RTL10: variants seen among roughly 807,000 people sequenced by gnomAD.
RTL10 encodes protein Bop.
For missense variants in RTL10, 477 were observed against 470.7 expected (o/e 1.01, Z -0.12); for synonymous variants, 199 against 188.4 (o/e 1.06, Z -0.46).
rs1938016140 is a variant in RTL10, at chr22:19,848,387, AG to A, written c.*2779del. 1.0e-6 allele frequency: 1 copy of A among 985,428 alleles called. No individual in the cohort carries two copies. The highest frequency in any genetic ancestry group is 6.1e-5 in the Admixed American group (1 of 16,274). 61.0% of individuals were successfully genotyped at this position (985,428 alleles called of 1,614,324 possible). ...GGGGGCCAGAAGAGAAAAACAACCCAGGGGGAATGCCTCCTTCCCCCAGCAG... is the reference window on the plus strand; with the variant it reads ...GGGGGCCAGAAGAGAAAAACAACCCAGGGGAATGCCTCCTTCCCCCAGCAG... On this transcript the variant is annotated 3_prime_UTR_variant, in exon 3 of 3. Transcript: ENST00000328554.
rs1302703834 is a variant in RTL10 at position 19,849,373 on chromosome 22, T to G, written c.*1794A>C. ...TAAATAAGGTTTTTGTTTTTTGTTGTTTTTTTTTTTTTGGGATGGAGTTTC... is the reference window on the plus strand; with the variant it reads ...TAAATAAGGTTTTTGTTTTTTGTTGGTTTTTTTTTTTTGGGATGGAGTTTC... On this transcript the variant is annotated 3_prime_UTR_variant, in exon 3 of 3. Transcript: ENST00000328554. 4.6e-5 allele frequency: 25 copies of G among 545,904 alleles called. No homozygotes were observed. Among genetic ancestry groups the G allele is most frequent in the East Asian group, 1.6e-4 (1 of 6,198 alleles). The allele number at this position is 545,904 out of a possible 1,614,324, so 33.8% of individuals were successfully genotyped here.
At position 19,854,493 on chromosome 22, in the gene RTL10, A is replaced by G. The variant is rs1938188592; in HGVS notation, c.-276T>C. The G allele has an allele frequency of 1.3e-5, 2 of 152,694 alleles. No individual in the cohort carries two copies. Among genetic ancestry groups the G allele is most frequent in the Non-Finnish European group, 1.5e-5 (1 of 68,066 alleles). The allele number at this position is 152,694 out of a possible 1,614,324, so 9.5% of individuals were successfully genotyped here. A position where few individuals can be genotyped will look rare whatever the true frequency, so the allele number is the denominator to read the frequency against. ...AGAGGGTCCTGGGATCCGTAGCCAC[A>G]GACCGTGGGACGGGCCTCCCTCTGA... is the stretch of plus-strand genomic sequence containing the variant. On this transcript the variant is annotated 5_prime_UTR_variant, in exon 2 of 3. Transcript: ENST00000328554.
chr22:19,846,863 GTTGT>G lies in RTL10; in HGVS notation c.*4300_*4303del, dbSNP rs746957515. Reference sequence around the variant, plus strand: ...GCTCCAGAATCATGAGGAAATGTCTGTTGTTTAAGTCCCCTAGCCTGCGGTCCTT... The same window carrying G: ...GCTCCAGAATCATGAGGAAATGTCTGTTAAGTCCCCTAGCCTGCGGTCCTT... On this transcript the variant is annotated 3_prime_UTR_variant, in exon 3 of 3. Transcript: ENST00000328554. The G allele has an allele frequency of 1.4e-5, 13 of 918,880 alleles. No homozygotes were observed. In the South Asian group the frequency reaches 3.0e-4, roughly 21 times the overall value. 56.9% of individuals were successfully genotyped at this position (918,880 alleles called of 1,614,324 possible). A position where few individuals can be genotyped will look rare whatever the true frequency, so the allele number is the denominator to read the frequency against.
chr22:19,846,344 C>A lies in RTL10; in HGVS notation c.*4823G>T. The stretch of plus-strand genomic sequence containing the variant: ...AATACAGGATAATGCCTTTGTACCC[C>A]CCAGGTAGGGAAAGATTTCTTAAGT... On this transcript the variant is annotated 3_prime_UTR_variant, in exon 3 of 3. Transcript: ENST00000328554. 2 of 862,032 alleles carry A rather than the reference C, an allele frequency of 2.3e-6. No homozygotes were observed. The highest frequency in any genetic ancestry group is 2.8e-6 in the Non-Finnish European group (2 of 716,766). The allele number at this position is 862,032 out of a possible 1,614,324, so 53.4% of individuals were successfully genotyped here.
intron 2 of RTL10, among the ~76,000 whole-genome samples, chr22:19,854,057 T>C (rs1938176485): frequency 1.3e-5 from 2 of 152,214 alleles, no homozygotes; most frequent in African/African-American, 4.8e-5. Context: ...CCAGGCCTGC[T>C]TTGGGCCTGA....
chr22:19,851,782 C>A lies in RTL10; in HGVS notation c.480G>T (p.Gly160=), dbSNP rs143337064. The change falls in exon 3 of 3, where the codon GGG becomes GGT. Residue 160 remains glycine, a synonymous_variant. Transcript: ENST00000328554. The stretch of plus-strand genomic sequence containing the variant: ...CGTAATCGTCAGGCAGGGGCAGGTC[C>A]CCATCAAGGTAGGGGGCTGCCCAGG... ...AQAWAAPYLD[G]DLPLPDDYEL... is the part of the protein sequence containing the mutation. The A allele has an allele frequency of 6.2e-7, 1 of 1,613,426 alleles. No individual in the cohort carries two copies. Among genetic ancestry groups the A allele is most frequent in the Non-Finnish European group, 8.5e-7 (1 of 1,179,608 alleles).
rs1233935095 is a variant in RTL10, at chr22:19,851,953, G to C, written c.309C>G (p.Asp103Glu). The C allele has an allele frequency of 6.2e-7, 1 of 1,614,018 alleles. No individual in the cohort carries two copies. Among genetic ancestry groups the C allele is most frequent in the African/African-American group, 1.3e-5 (1 of 74,954 alleles). Residue 103 changes from aspartate (D) to glutamate (E), a missense_variant, in exon 3 of 3, where the codon GAC becomes GAG. Transcript: ENST00000328554. ...RVDFCWVPGS[D>E]PGTFDGSPWL... ...ACGGGGAGCCATCAAAGGTGCCTGG[G>C]TCTGAGCCTGGTACCCAGCAGAAGT...
Position 19,851,342 on chromosome 22 carries a change from G to A in RTL10, c.920C>T (p.Ala307Val), listed in dbSNP as rs143814574. Residue 307 changes from alanine to valine, a missense_variant, in exon 3 of 3, where the codon GCT becomes GTT. Transcript: ENST00000328554. ...GTCTGGTCTCTGGGCAGGAGGATTAGCTGACTCCGACAGTCTAGGGACAGG... is the reference window on the plus strand; with the variant it reads ...GTCTGGTCTCTGGGCAGGAGGATTAACTGACTCCGACAGTCTAGGGACAGG... ...PTPVPRLSES[A>V]NPPAQRPDPA... The A allele has an allele frequency of 2.5e-6, 4 of 1,614,020 alleles. No homozygotes were observed. The African/African-American group carries it at 4.0e-5, about 16-fold the overall frequency.
rs1825612678 is a variant in RTL10, at chr22:19,852,118, C to T, written c.144G>A (p.Glu48=). The T allele has an allele frequency of 3.7e-6, 6 of 1,614,124 alleles. No individual in the cohort carries two copies. The highest frequency in any genetic ancestry group is 1.7e-5 in the Admixed American group (1 of 60,016). ...AYTPLVDPWI[E]RPCCGDTVCV... is the part of the protein sequence containing the mutation. ...ACACGGTGTCCCCACAGCAGGGCCGCTCAATCCAGGGATCCACAAGGGGGG... is the reference window on the plus strand; with the variant it reads ...ACACGGTGTCCCCACAGCAGGGCCGTTCAATCCAGGGATCCACAAGGGGGG... The change falls in exon 3 of 3, where the codon GAG becomes GAA. Residue 48 remains glutamate (E), a synonymous_variant. Coordinates refer to ENST00000328554, the MANE Select transcript of RTL10 (RefSeq NM_024627.6).
Position 19,847,018 on chromosome 22 carries a change from T to C in RTL10, c.*4149A>G, listed in dbSNP as rs1693973431. 6 of 985,382 alleles carry C rather than the reference T, an allele frequency of 6.1e-6. No individual in the cohort carries two copies. Among genetic ancestry groups the C allele is most frequent in the African/African-American group, 1.7e-5 (1 of 57,250 alleles). 61.0% of individuals were successfully genotyped at this position (985,382 alleles called of 1,614,324 possible). On this transcript the variant is annotated 3_prime_UTR_variant, in exon 3 of 3. Coordinates refer to ENST00000328554, the MANE Select transcript of RTL10 (RefSeq NM_024627.6). Reference sequence around the variant, plus strand: ...GGTGGCTGCTTGTACTTCTCCATACTGAGCACCCCAGCCCATAGGATGATC... The same window carrying C: ...GGTGGCTGCTTGTACTTCTCCATACCGAGCACCCCAGCCCATAGGATGATC...
chr22:19,847,790 C>T lies in RTL10; in HGVS notation c.*3377G>A, dbSNP rs1018959510. The T allele has an allele frequency of 3.6e-5, 27 of 741,632 alleles. No homozygotes were observed. The African/African-American group carries it at 8.6e-4, about 24-fold the overall frequency. 45.9% of individuals were successfully genotyped at this position (741,632 alleles called of 1,614,324 possible). On this transcript the variant is annotated 3_prime_UTR_variant, in exon 3 of 3. Transcript: ENST00000328554. ...TCTGGGCATCTAAAACTTTTAAAAT[C>T]CTGGAATCATAGGCAAAAAAAAAAA...
In RTL10 at chr22:19,849,622, C is replaced by A. The variant is rs150392017; in HGVS notation, c.*1545G>T. The A allele has an allele frequency of 4.4e-3, 4,031 of 916,118 alleles. 114 individuals are homozygous for A. The African/African-American group carries it at 0.068, about 15-fold the overall frequency. 56.7% of individuals were successfully genotyped at this position (916,118 alleles called of 1,614,324 possible). On this transcript the variant is annotated 3_prime_UTR_variant, in exon 3 of 3. Transcript: ENST00000328554. ...CCTCAGGTGATCCACCCACCTTGGC[C>A]TCCCAGAGTGCTGGGATTACAGGTG...
At position 19,851,778 on chromosome 22, in the gene RTL10, G is replaced by T. The variant is rs368961068; in HGVS notation, c.484C>A (p.Leu162Met). Residue 162 changes from leucine (L) to methionine (M), a missense_variant, in exon 3 of 3, where the codon CTG becomes ATG. By Grantham distance (15) the Leu-to-Met change is conservative. Coordinates refer to ENST00000328554, the MANE Select transcript of RTL10 (RefSeq NM_024627.6). ...AGCTCGTAATCGTCAGGCAGGGGCAGGTCCCCATCAAGGTAGGGGGCTGCC... is the reference window on the plus strand; with the variant it reads ...AGCTCGTAATCGTCAGGCAGGGGCATGTCCCCATCAAGGTAGGGGGCTGCC... ...AWAAPYLDGDLPLPDDYELFC... is the reference protein window; with the variant it reads ...AWAAPYLDGDMPLPDDYELFC... 2 of 1,613,556 alleles carry T rather than the reference G, an allele frequency of 1.2e-6. No homozygotes were observed. Among genetic ancestry groups the T allele is most frequent in the Non-Finnish European group, 1.7e-6 (2 of 1,179,584 alleles).
rs920136923 is a variant in RTL10 at position 19,847,185 on chromosome 22, A to G, written c.*3982T>C. The G allele has an allele frequency of 1.0e-6, 1 of 985,326 alleles. No homozygotes were observed. Among genetic ancestry groups the G allele is most frequent in the Non-Finnish European group, 1.2e-6 (1 of 829,948 alleles). 61.0% of individuals were successfully genotyped at this position (985,326 alleles called of 1,614,324 possible). On this transcript the variant is annotated 3_prime_UTR_variant, in exon 3 of 3. Coordinates refer to ENST00000328554, the MANE Select transcript of RTL10 (RefSeq NM_024627.6). ...TGAGCATGGAGAAATATGTCCAGGTAGGCTGTCGTCAGCACAGGTCTGACA... is the reference window on the plus strand; with the variant it reads ...TGAGCATGGAGAAATATGTCCAGGTGGGCTGTCGTCAGCACAGGTCTGACA...
chr22:19,854,158 C>T (rs1297870766), intron 2 of RTL10, among the ~76,000 whole-genome samples: 1 of 152,208 alleles, frequency 6.6e-6, no homozygotes, highest in African/African-American at 2.4e-5. Flanking sequence ...CTTTTCTCCC[C>T]ACACTGCCTG....
Position 19,851,659 on chromosome 22 carries a change from G to T in RTL10, c.603C>A (p.Ser201Arg). 1 of 1,594,906 alleles carries T rather than the reference G, an allele frequency of 6.3e-7. No homozygotes were observed. The highest frequency in any genetic ancestry group is 1.3e-5 in the African/African-American group (1 of 74,456). ...GCAGCTGAGGGGCCACTGGCAGCTG[G>T]CTGGAGGCCAGGGGCAGGGGACAGG... The part of the protein sequence containing the change: ...VVTCPLPLAS[S>R]QLPVAPQLPV... Residue 201 changes from serine (S) to arginine (R), a missense_variant, in exon 3 of 3, where the codon AGC becomes AGA. Ser to Arg is a moderately radical substitution (Grantham distance 110). Transcript: ENST00000328554.
Position 19,852,087 on chromosome 22 carries a change from G to A in RTL10, c.175C>T (p.Arg59Ter), listed in dbSNP as rs565103120. The change falls in exon 3 of 3, where the codon CGA (arginine) becomes TGA (stop). Residue 59 changes from arginine to a stop codon, truncating the protein, a stop_gained. Transcript: ENST00000328554. LOFTEE classifies it low-confidence loss of function (END_TRUNC). ...RPCCGDTVCV[R>*]TTMEQKSTAS... Reference sequence around the variant, plus strand: ...GTGCTCTTCTGCTCCATGGTCGTTCGCACACACACGGTGTCCCCACAGCAG... The same window carrying A: ...GTGCTCTTCTGCTCCATGGTCGTTCACACACACACGGTGTCCCCACAGCAG... 38 of 1,614,220 alleles carry A rather than the reference G, an allele frequency of 2.4e-5. No individual in the cohort carries two copies. The Admixed American group carries it at 3.2e-4, about 13-fold the overall frequency.
chr22:19,846,276 G>A lies in RTL10; in HGVS notation c.*4891C>T. 1 of 275,386 alleles carries A rather than the reference G, an allele frequency of 3.6e-6. No individual in the cohort carries two copies. The highest frequency in any genetic ancestry group is 5.5e-6 in the Non-Finnish European group (1 of 180,254). 17.1% of individuals were successfully genotyped at this position (275,386 alleles called of 1,614,324 possible). ...TTCTGCCGCAGTTACACTTACAGGTGGACTCAAGGTTGAATGTCAAAGGCA... is the reference window on the plus strand; with the variant it reads ...TTCTGCCGCAGTTACACTTACAGGTAGACTCAAGGTTGAATGTCAAAGGCA... On this transcript the variant is annotated 3_prime_UTR_variant, in exon 3 of 3. Coordinates refer to ENST00000328554, the MANE Select transcript of RTL10 (RefSeq NM_024627.6).
In RTL10 at chr22:19,848,777, A is replaced by C. The variant is rs527328030; in HGVS notation, c.*2390T>G. On this transcript the variant is annotated 3_prime_UTR_variant, in exon 3 of 3. Transcript: ENST00000328554. ...GGTCCCAAGGGCACAAAAGCCCCAA[A>C]GCCCCAATAGGACAGGGTTCAAAAG... 7 of 985,496 alleles carry C rather than the reference A, an allele frequency of 7.1e-6. No homozygotes were observed. The highest frequency in any genetic ancestry group is 5.2e-4 in the Middle Eastern group (1 of 1,914). 61.0% of individuals were successfully genotyped at this position (985,496 alleles called of 1,614,324 possible).
Sources: allele counts gnomAD v4.1 joint callset (sites outside exome capture counted in the v4.1 genomes callset), GRCh38; gene constraint gnomAD v4.1.1; transcripts MANE v1.5; gene names NCBI Gene and HGNC (gene_info 2026-07-23, HGNC 2026-07-21).